CYP4V2: variants seen among roughly 807,000 people sequenced by gnomAD.
CYP4V2 encodes the protein cytochrome P450 family 4 subfamily V member 2.
In CYP4V2, 55 loss-of-function variants were observed where a neutral mutation model predicts 60.8. That is an observed-to-expected ratio of 0.90 (90% confidence interval 0.73 to 1.13). The LOEUF (loss-of-function observed/expected upper bound fraction) is 1.13, where lower values mean the gene tolerates loss of function less well. CYP4V2 is among the 50% of genes most tolerant of loss of function. The pLI is 0.00. For synonymous variants in CYP4V2, 239 were observed against 236.8 expected (o/e 1.01, Z -0.08); for missense variants, 675 against 662.9 (o/e 1.02, Z -0.20).
chr4:186,209,312 CTTGATGGTGGGTT>C (rs1387119956), intron 10 of CYP4V2, 40 bp downstream of exon 10: 2 of 1,612,372 alleles, frequency 1.2e-6, no homozygotes, highest in Non-Finnish European at 1.7e-6. Flanking sequence ...TTCAGGCCCA[CTTGATGGTGGGTT>C]TCTCACAGTG....
In CYP4V2 at chr4:186,211,272, A is replaced by C. The variant is rs1297410037; in HGVS notation, c.*631A>C. 6.6e-6 allele frequency: 1 copy of C among 152,220 alleles called. No individual in the cohort carries two copies. The highest frequency in any genetic ancestry group is 2.4e-5 in the African/African-American group (1 of 41,410). 9.4% of individuals were successfully genotyped at this position (152,220 alleles called of 1,614,324 possible). A position where few individuals can be genotyped will look rare whatever the true frequency, so the allele number is the denominator to read the frequency against. On this transcript the variant is annotated 3_prime_UTR_variant, in exon 11 of 11. Coordinates refer to ENST00000378802, the MANE Select transcript of CYP4V2 (RefSeq NM_207352.4). The stretch of plus-strand genomic sequence containing the variant: ...GGAATCCACAGTCCAATTCCACTTC[A>C]ATTGATAGACCCAAAAAATATAATT...
intron 1 of CYP4V2, among the ~76,000 whole-genome samples, chr4:186,193,295 G>T (rs767045241): frequency 6.6e-6 from 1 of 152,100 alleles, no homozygotes; most frequent in Non-Finnish European, 1.5e-5. Flanking sequence ...TACTGTTTTG[G>T]GGATTCCAGT....
At position 186,197,558 on chromosome 4, in the gene CYP4V2, T is replaced by C; in HGVS notation, c.630T>C (p.Gly210=). ...AAACAGCTATGGGGAAGAATATTGG[T>C]GCTCAAAGTAATGATGATTCCGAGT... is the stretch of plus-strand genomic sequence containing the variant. ...ICETAMGKNI[G]AQSNDDSEYV... Residue 210 remains glycine, a synonymous_variant, in exon 5 of 11, where the codon GGT becomes GGC. Coordinates refer to ENST00000378802, the MANE Select transcript of CYP4V2 (RefSeq NM_207352.4). The C allele has an allele frequency of 6.2e-7, 1 of 1,614,266 alleles. No homozygotes were observed. Among genetic ancestry groups the C allele is most frequent in the Non-Finnish European group, 8.5e-7 (1 of 1,180,054 alleles).
chr4:186,204,944 TAACAC>T (rs1579972280), intron 7 of CYP4V2: 1 of 525,694 alleles, frequency 1.9e-6, no homozygotes, highest in African/African-American at 1.9e-5. Context: ...CCGCCTTTAT[TAACAC>T]AGCACAGGCA....
chr4:186,198,840 T>C, intron 5 of CYP4V2, 117 bp from the exon 6 acceptor site: 1 of 1,486,822 alleles, frequency 6.7e-7, no homozygotes, highest in Non-Finnish European at 9.3e-7. Flanking sequence ...CTTAGTAGCC[T>C]CTAAGACAAT....
intron 8 of CYP4V2, among the ~76,000 whole-genome samples, chr4:186,206,857 A>T (rs1185617971): frequency 6.6e-6 from 1 of 152,188 alleles, no homozygotes; most frequent in East Asian, 1.9e-4. Context: ...TTATCTTTTT[A>T]ACACTGATTT....
chr4:186,196,776 T>C (rs1375027039), intron 3 of CYP4V2, 164 bp from the exon 4 acceptor site: 2 of 647,708 alleles, frequency 3.1e-6, no homozygotes, highest in Non-Finnish European at 5.3e-6. Flanking sequence ...TGTGTATATC[T>C]TTGTCATTCT....
At chr4:186,194,898 G>T (rs113220680) in intron 2 of CYP4V2, among the ~76,000 whole-genome samples, 2 of 151,984 alleles carry the variant, frequency 1.3e-5, no homozygotes, top group African/African-American at 2.4e-5. Context: ...AAATTATTCC[G>T]CAAGGCAAGC....
In CYP4V2 at chr4:186,191,828, C is replaced by CGGGGCTCTGGCT. The variant is rs1735991294; in HGVS notation, c.13_24dup (p.Trp5_Leu8dup). On this transcript the variant is annotated inframe_insertion, in exon 1 of 11. Coordinates refer to ENST00000378802, the MANE Select transcript of CYP4V2 (RefSeq NM_207352.4). Reference sequence around the variant, plus strand: ...CCGCGGCCGCCAGCCGGGGCGATGGCGGGGCTCTGGCTGGGGCTCGTGTGG... The same window carrying CGGGGCTCTGGCT: ...CCGCGGCCGCCAGCCGGGGCGATGGCGGGGCTCTGGCTGGGGCTCTGGCTGGGGCTCGTGTGG... 2.6e-6 allele frequency: 4 copies of CGGGGCTCTGGCT among 1,561,650 alleles called. No individual in the cohort carries two copies. Among genetic ancestry groups the CGGGGCTCTGGCT allele is most frequent in the African/African-American group, 2.8e-5 (2 of 72,598 alleles).
intron 1 of CYP4V2, chr4:186,192,281 C>T (rs1554073593): frequency 2.9e-6 from 2 of 699,778 alleles, no homozygotes; most frequent in Non-Finnish European, 5.2e-6. Context: ...AAACCCCTGC[C>T]CTCGGTCTTT....
intron 5 of CYP4V2, 67 bp from the exon 6 acceptor site, chr4:186,198,890 C>T (rs1736229066): frequency 2.5e-6 from 4 of 1,610,982 alleles, no homozygotes; most frequent in Non-Finnish European, 3.4e-6. Context: ...AGGCCAGGTA[C>T]TAAAGAAGTG....
intron 4 of CYP4V2, 76 bp from the exon 5 acceptor site, chr4:186,197,457 G>A: frequency 2.1e-6 from 3 of 1,418,974 alleles, no homozygotes; most frequent in South Asian, 1.2e-5. Context: ...CGTCTTTAGT[G>A]TCTGCCGCTG....
intron 8 of CYP4V2, 82 bp downstream of exon 8, chr4:186,205,384 G>A: frequency 7.4e-7 from 1 of 1,353,320 alleles, no homozygotes. Flanking sequence ...ACAGTGTAAT[G>A]AGCAGGAAGG....
rs1031102027 is a variant in CYP4V2, at chr4:186,194,516, CATT to C, written c.232_234del (p.Ile78del). 6.2e-7 allele frequency: 1 copy of C among 1,613,920 alleles called. No homozygotes were observed. Among genetic ancestry groups the C allele is most frequent in the Admixed American group, 1.7e-5 (1 of 60,008 alleles). ...TTTCCCCAGAATTTTTTCAGCAGAT[CATT>C]GAGTACACAGAGGAATACCGCCACA... On this transcript the variant is annotated inframe_deletion, in exon 2 of 11. Transcript: ENST00000378802.
At chr4:186,193,117 C>T (rs529304901) in intron 1 of CYP4V2, among the ~76,000 whole-genome samples, 100 of 140,242 alleles carry the variant, frequency 7.1e-4, no homozygotes, top group African/African-American at 2.4e-3. Context: ...AGTAATCCAA[C>T]ACAGATATGA....
In CYP4V2 at chr4:186,209,061, G is replaced by A. The variant is rs369925567; in HGVS notation, c.1226-32G>A. On this transcript the variant is annotated intron_variant, in intron 9 of 10. Coordinates refer to ENST00000378802, the MANE Select transcript of CYP4V2 (RefSeq NM_207352.4). The stretch of plus-strand genomic sequence containing the variant: ...AACTTTCTAATGTCTACCTTGCTCC[G>A]GTCTCATAATGTATTGACTACTTCT... The A allele has an allele frequency of 1.3e-4, 217 of 1,613,906 alleles. 1 individual carries two copies. Among genetic ancestry groups the A allele is most frequent in the South Asian group, 4.4e-4 (40 of 91,062 alleles).
In CYP4V2 at chr4:186,195,079, A is replaced by G. The variant is rs1175411612; in HGVS notation, c.327+467A>G. Among the ~76,000 whole-genome samples, 2 of 152,208 alleles carry G rather than the reference A, an allele frequency of 1.3e-5. No homozygotes were observed. The highest frequency in any genetic ancestry group is 2.9e-5 in the Non-Finnish European group (2 of 68,044). On this transcript the variant is annotated intron_variant, in intron 2 of 10. Transcript: ENST00000378802. This position sits in a 1 kb window ranked among gnomAD's most constrained non-coding sequence, Gnocchi z 4.1. ...AATATTACAAACCCATGCTGTTGAAATTAGTCCTCCAAAAAGCTGTAGTCT... is the reference window on the plus strand; with the variant it reads ...AATATTACAAACCCATGCTGTTGAAGTTAGTCCTCCAAAAAGCTGTAGTCT...
intron 8 of CYP4V2, among the ~76,000 whole-genome samples, chr4:186,205,989 C>G (rs1359600204): frequency 6.6e-6 from 1 of 152,196 alleles, no homozygotes; most frequent in Admixed American, 6.5e-5. Context: ...TGTTCCCTCA[C>G]AGTTCTGGAC....
chr4:186,208,360 A>T (rs111912333), intron 8 of CYP4V2, among the ~76,000 whole-genome samples: 197 of 108,466 alleles, frequency 1.8e-3, no homozygotes, highest in South Asian at 2.7e-3. Context: ...TCTTCTTTGA[A>T]GGGTATTTGA....
Sources: allele counts gnomAD v4.1 joint callset (sites outside exome capture counted in the v4.1 genomes callset), GRCh38; gene constraint gnomAD v4.1.1; non-coding constraint Gnocchi (gnomAD v3.1); transcripts MANE v1.5; gene names NCBI Gene and HGNC (gene_info 2026-07-23, HGNC 2026-07-21).